The following TBC1D2 variants were observed in gnomAD, a reference collection of about 807,000 sequenced individuals.
TBC1D2 encodes TBC1 domain family member 2, also known as TBC1 domain family member 2A.
TBC1D2 carries 58 observed loss-of-function variants against 91.1 expected under a neutral mutation model. That is an observed-to-expected ratio of 0.64 (90% CI 0.52 to 0.79). The LOEUF (loss-of-function observed/expected upper bound fraction) is 0.79, where lower values mean the gene tolerates loss of function less well. Among genes scored for constraint, TBC1D2 ranks in the 30% least tolerant of loss-of-function variants. The pLI is 0.00. For synonymous variants in TBC1D2, 482 were observed against 511.5 expected (o/e 0.94, Z 0.78); for missense variants, 1,080 against 1,208.3 (o/e 0.89, Z 1.57).
intron 4 of TBC1D2, among the ~76,000 whole-genome samples, chr9:98,231,304 T>A (rs1177755752): frequency 3.7e-5 from 5 of 136,670 alleles, no homozygotes; most frequent in Non-Finnish European, 6.5e-5. Flanking sequence ...TTTTTTTTTT[T>A]AATTTGTAGC....
chr9:98,237,900 CTTTTT>C (rs1194780255), intron 3 of TBC1D2, among the ~76,000 whole-genome samples: 1 of 139,056 alleles, frequency 7.2e-6, no homozygotes, highest in East Asian at 2.2e-4. Context: ...TTTTTTTTTT[CTTTTT>C]TTTCTTTTTT....
intron 12 of TBC1D2, 138 bp from the exon 13 acceptor site, chr9:98,199,726 G>T: frequency 2.4e-6 from 2 of 836,556 alleles, no homozygotes; most frequent in Non-Finnish European, 3.9e-6. Context: ...AGGAAACAAT[G>T]AATAAGATGA....
chr9:98,253,215 C>T (rs1019037821), intron 1 of TBC1D2, among the ~76,000 whole-genome samples: 4 of 152,136 alleles, frequency 2.6e-5, no homozygotes, highest in African/African-American at 9.7e-5. Context: ...CTGCAGGGGA[C>T]ATGTACCTGG....
chr9:98,216,790 G>A (rs1424182130), intron 6 of TBC1D2, among the ~76,000 whole-genome samples: 2 of 152,128 alleles, frequency 1.3e-5, no homozygotes, highest in East Asian at 1.9e-4. Context: ...CTGCACTCTT[G>A]ACCTCCTGGG....
intron 8 of TBC1D2, 71 bp downstream of exon 8, chr9:98,210,585 C>T: frequency 1.4e-6 from 2 of 1,435,798 alleles, no homozygotes; most frequent in Non-Finnish European, 1.9e-6. Context: ...TTGGCAGGAC[C>T]TGGCAGCAAG....
intron 3 of TBC1D2, among the ~76,000 whole-genome samples, chr9:98,237,326 G>C (rs1829529225): frequency 6.9e-6 from 1 of 145,126 alleles, no homozygotes; most frequent in Non-Finnish European, 1.5e-5. Flanking sequence ...TAGTCTGGGT[G>C]ACAGAGCAAG....
Position 98,200,417 on chromosome 9 carries a change from G to GGC in TBC1D2, c.2458-45_2458-44dup, listed in dbSNP as rs1314880366. ...GCTCAGGTAGGGCATGGGGGGGCCA[G>GGC]GCAGGTCATCCCCGGAGGGAGGGAA... On this transcript the variant is annotated intron_variant, in intron 11 of 12. Coordinates refer to ENST00000465784, the MANE Select transcript of TBC1D2 (RefSeq NM_001267571.2). 1.9e-6 allele frequency: 3 copies of GGC among 1,560,914 alleles called. No individual in the cohort carries two copies. In the Admixed American group the frequency reaches 5.8e-5, roughly 30 times the overall value.
At position 98,225,281 on chromosome 9, in the gene TBC1D2, T is replaced by C. The variant is rs547485998; in HGVS notation, c.978+3671A>G. 2.0e-5 allele frequency among the ~76,000 whole-genome samples: 3 copies of C among 152,328 alleles called. 1 individual carries two copies. The South Asian group carries it at 6.2e-4, about 32-fold the overall frequency. ...ACTCCAAGGGTCAGTCCCCGGCCAA[T>C]CAGCCATCTGGTGCTATCTCCTAGA... On this transcript the variant is annotated intron_variant, in intron 5 of 12. Coordinates refer to ENST00000465784, the MANE Select transcript of TBC1D2 (RefSeq NM_001267571.2).
chr9:98,220,321 A>G lies in TBC1D2; in HGVS notation c.1374+512T>C, dbSNP rs532284909. Among the ~76,000 whole-genome samples the G allele has an allele frequency of 1.1e-3, 172 of 152,220 alleles. 1 individual carries two copies. The highest frequency in any genetic ancestry group is 4.0e-3 in the African/African-American group (165 of 41,540). On this transcript the variant is annotated intron_variant, in intron 6 of 12. Transcript: ENST00000465784. ...GCTGGCGCGAGGACTAAATGTGGCG[A>G]TGCACCCACCGAGGGCAGTGCCTGG...
chr9:98,238,063 C>T (rs1386088528), intron 3 of TBC1D2, among the ~76,000 whole-genome samples: 2 of 139,912 alleles, frequency 1.4e-5, no homozygotes, highest in African/African-American at 6.6e-5. Flanking sequence ...GCTACCATGC[C>T]CAGCTAATTT....
chr9:98,239,811 A>C (rs1829593138), intron 3 of TBC1D2, among the ~76,000 whole-genome samples: 1 of 152,076 alleles, frequency 6.6e-6, no homozygotes, highest in Non-Finnish European at 1.5e-5. Flanking sequence ...GTTTTTCTTC[A>C]TGTGTAGTTA....
chr9:98,199,666 C>A, intron 12 of TBC1D2, 78 bp from the exon 13 acceptor site: 2 of 1,474,034 alleles, frequency 1.4e-6, no homozygotes, highest in Admixed American at 3.4e-5. Flanking sequence ...AGACAGACAT[C>A]CCCGCATTCC....
In TBC1D2 at chr9:98,208,697, G is replaced by A. The variant is rs757345244; in HGVS notation, c.2121C>T (p.Pro707=). ...RVLLAFSWQN[P]TIGYCQGLNR... ...TCAGGCCCTGGCAGTAGCCGATGGTGGGGTTCTGCCAGGAGAAGGCCAGCA... is the reference window on the plus strand; with the variant it reads ...TCAGGCCCTGGCAGTAGCCGATGGTAGGGTTCTGCCAGGAGAAGGCCAGCA... Residue 707 remains proline, a synonymous_variant, in exon 9 of 13, where the codon CCC becomes CCT. Coordinates refer to ENST00000465784, the MANE Select transcript of TBC1D2 (RefSeq NM_001267571.2). 1.4e-5 allele frequency: 22 copies of A among 1,534,752 alleles called. No homozygotes were observed. The highest frequency in any genetic ancestry group is 2.0e-5 in the Admixed American group (1 of 49,768).
intron 6 of TBC1D2, among the ~76,000 whole-genome samples, chr9:98,215,848 C>T (rs535556502): frequency 2.2e-4 from 34 of 152,268 alleles, no homozygotes; most frequent in Admixed American, 2.1e-3. Flanking sequence ...AACTTCCTGC[C>T]GGGCACCATC....
At chr9:98,217,118 G>T (rs1828988998) in intron 6 of TBC1D2, among the ~76,000 whole-genome samples, 1 of 152,248 alleles carries the variant, frequency 6.6e-6, no homozygotes, top group African/African-American at 2.4e-5. Context: ...GCCTGGAACA[G>T]CAGTGGCAGT....
Position 98,213,194 on chromosome 9 carries a change from G to C in TBC1D2, c.1399C>G (p.Gln467Glu). The stretch of plus-strand genomic sequence containing the variant: ...ATCTCGGAGTTGAGGAAGCAGTTCT[G>C]GGTCCGGTAAGCTTCCATGTCATCC... The part of the protein sequence containing the change: ...LKDDMEAYRT[Q>E]NCFLNSEIHQ... Residue 467 changes from glutamine to glutamate, a missense_variant, in exon 7 of 13, where the codon CAG (glutamine) becomes GAG (glutamate). Transcript: ENST00000465784. The C allele has an allele frequency of 6.2e-7, 1 of 1,613,942 alleles. No individual in the cohort carries two copies. Among genetic ancestry groups the C allele is most frequent in the Non-Finnish European group, 8.5e-7 (1 of 1,179,982 alleles).
At position 98,208,693 on chromosome 9, in the gene TBC1D2, T is replaced by C; in HGVS notation, c.2125A>G (p.Ile709Val). 1 of 1,532,146 alleles carries C rather than the reference T, an allele frequency of 6.5e-7. No individual in the cohort carries two copies. The highest frequency in any genetic ancestry group is 8.8e-7 in the Non-Finnish European group (1 of 1,137,062). The allele number at this position is 1,532,146 out of a possible 1,614,324, so 94.9% of individuals were successfully genotyped here. ...CTGTTCAGGCCCTGGCAGTAGCCGA[T>C]GGTGGGGTTCTGCCAGGAGAAGGCC... ...LLAFSWQNPT[I>V]GYCQGLNRLA... Residue 709 changes from isoleucine to valine, a missense_variant, in exon 9 of 13, where the codon ATC becomes GTC. By Grantham distance (29) the Ile-to-Val change is conservative. Coordinates refer to ENST00000465784, the MANE Select transcript of TBC1D2 (RefSeq NM_001267571.2).
intron 2 of TBC1D2, among the ~76,000 whole-genome samples, chr9:98,245,549 A>G (rs1356533639): frequency 1.3e-5 from 2 of 152,196 alleles, no homozygotes; most frequent in African/African-American, 4.8e-5. Flanking sequence ...CCTGGGCAAC[A>G]GAGTAAGACC....
At chr9:98,241,688 T>G in intron 3 of TBC1D2, among the ~76,000 whole-genome samples, 1 of 152,230 alleles carries the variant, frequency 6.6e-6, no homozygotes. Flanking sequence ...GGGTGCATGC[T>G]GGCTGGATAG....
Sources: gnomAD v4.1 joint callset for allele counts (sites outside exome capture counted in the v4.1 genomes callset) on GRCh38, gnomAD v4.1.1 for gene constraint, MANE v1.5 for transcripts, NCBI Gene and HGNC (gene_info 2026-07-23, HGNC 2026-07-21) for gene names.